NRG1: variants seen among roughly 807,000 people sequenced by gnomAD.
NRG1 encodes the protein pro-neuregulin-1, membrane-bound isoform.
A neutral mutation model predicts 63.8 loss-of-function variants in NRG1; 18 were observed. The observed-to-expected ratio is 0.28, with a 90% CI of 0.19 to 0.42. The LOEUF is 0.42. Ranked by LOEUF, NRG1 falls within the 10% of genes least tolerant of loss-of-function variation. NRG1 has a pLI of 1.00. For missense variants in NRG1, 762 were observed against 814.7 expected (o/e 0.94, Z 0.79); for synonymous variants, 302 against 301.3 (o/e 1.00, Z -0.02).
upstream of NRG1, chr8:32,548,060 T>C (rs1833290201): frequency 3.6e-6 from 1 of 280,668 alleles, no homozygotes; most frequent in African/African-American, 2.3e-5. Flanking sequence ...CAGCGACCCC[T>C]GTCGGGGGTT....
intron 1 of NRG1, among the ~76,000 whole-genome samples, chr8:31,733,554 A>G (rs1196926313): frequency 6.6e-6 from 1 of 152,136 alleles, no homozygotes; most frequent in Admixed American, 6.5e-5. Flanking sequence ...TTGACTGGCT[A>G]TTGGATTTCT....
intron 9 of NRG1, 128 bp downstream of exon 9, chr8:32,756,657 G>A: frequency 7.5e-7 from 1 of 1,325,406 alleles, no homozygotes. Context: ...CAGGAATCCA[G>A]GTTTTTGCCA....
intron 1 of NRG1, among the ~76,000 whole-genome samples, chr8:32,586,175 T>C (rs2129533962): frequency 7.6e-6 from 1 of 131,346 alleles, no homozygotes; most frequent in East Asian, 2.1e-4. Flanking sequence ...TATATATATA[T>C]ATATATATAA....
At chr8:31,959,080 A>G (rs1206141589) in intron 1 of NRG1, among the ~76,000 whole-genome samples, 1 of 152,210 alleles carries the variant, frequency 6.6e-6, no homozygotes, top group Non-Finnish European at 1.5e-5. Context: ...AAAAAATGAA[A>G]GCATGTGTCT....
intron 1 of NRG1, among the ~76,000 whole-genome samples, chr8:31,822,321 AT>A (rs1013933658): frequency 6.6e-6 from 1 of 151,234 alleles, no homozygotes; most frequent in Admixed American, 6.6e-5. Flanking sequence ...GGATGCTCAC[AT>A]TTTTTTTTCT....
intron 1 of NRG1, among the ~76,000 whole-genome samples, chr8:32,065,191 C>G (rs531117306): frequency 6.7e-6 from 1 of 149,266 alleles, no homozygotes; most frequent in Non-Finnish European, 1.5e-5. Flanking sequence ...TTTTTTCTTT[C>G]TTTCTTTATT....
intron 1 of NRG1, among the ~76,000 whole-genome samples, chr8:31,869,200 T>C (rs778195496): frequency 4.6e-5 from 7 of 152,208 alleles, no homozygotes; most frequent in Non-Finnish European, 1.0e-4. Context: ...CATTTGGTAC[T>C]CTAATCTCTT....
At chr8:31,915,133 G>A (rs1399854739) in intron 1 of NRG1, among the ~76,000 whole-genome samples, 3 of 151,708 alleles carry the variant, frequency 2.0e-5, no homozygotes, top group South Asian at 2.1e-4. Context: ...TATTTCATAC[G>A]ATTTTTTAGA....
intron 1 of NRG1, among the ~76,000 whole-genome samples, chr8:31,801,871 C>T (rs1481221558): frequency 6.6e-6 from 1 of 152,186 alleles, no homozygotes; most frequent in Non-Finnish European, 1.5e-5. Flanking sequence ...TCCCCTTCCA[C>T]TTTGAGGCTC....
intron 1 of NRG1, among the ~76,000 whole-genome samples, chr8:32,143,797 C>G (rs1836558872): frequency 6.6e-6 from 1 of 152,206 alleles, no homozygotes; most frequent in Non-Finnish European, 1.5e-5. Context: ...CCCACTCATG[C>G]CCATAGGCAT....
chr8:31,670,307 T>C (rs1460844452), intron 1 of NRG1, among the ~76,000 whole-genome samples: 7 of 152,202 alleles, frequency 4.6e-5, no homozygotes, highest in Non-Finnish European at 8.8e-5. Context: ...TTTTGTTCAC[T>C]GGCCCCTCCT....
chr8:32,180,686 T>A (rs1354705804), intron 1 of NRG1, among the ~76,000 whole-genome samples: 1 of 152,168 alleles, frequency 6.6e-6, no homozygotes, highest in Non-Finnish European at 1.5e-5. Context: ...CATTGCTATA[T>A]GTATACATTG....
intron 1 of NRG1, among the ~76,000 whole-genome samples, chr8:31,970,344 T>C (rs1288419630): frequency 2.6e-5 from 4 of 152,190 alleles, no homozygotes; most frequent in Non-Finnish European, 5.9e-5. Flanking sequence ...CTTAAGTTCA[T>C]TTCCTGCTAC....
At chr8:31,691,334 G>A (rs1275361922) in intron 1 of NRG1, among the ~76,000 whole-genome samples, 2 of 152,130 alleles carry the variant, frequency 1.3e-5, no homozygotes, top group Admixed American at 6.6e-5. Context: ...GAGGCCGGGC[G>A]CGGTGGCTCA....
At chr8:32,133,381 A>G (rs1323891478) in intron 1 of NRG1, among the ~76,000 whole-genome samples, 1 of 152,010 alleles carries the variant, frequency 6.6e-6, no homozygotes, top group Non-Finnish European at 1.5e-5. Flanking sequence ...GCCAATTTCA[A>G]GGTTATTTTT....
At chr8:32,352,174 G>A (rs1392059428) in intron 1 of NRG1, among the ~76,000 whole-genome samples, 1 of 147,016 alleles carries the variant, frequency 6.8e-6, no homozygotes, top group African/African-American at 2.5e-5. Flanking sequence ...AGTGAACTTG[G>A]TGTATGCAGT....
chr8:32,391,001 CA>C (rs1811681033), intron 1 of NRG1, among the ~76,000 whole-genome samples: 1 of 152,152 alleles, frequency 6.6e-6, no homozygotes, highest in African/African-American at 2.4e-5. Flanking sequence ...TGTCTGGTGA[CA>C]TTTTTTCAAT....
At chr8:31,802,701 A>G (rs1821906482) in intron 1 of NRG1, among the ~76,000 whole-genome samples, 1 of 152,166 alleles carries the variant, frequency 6.6e-6, no homozygotes, top group South Asian at 2.1e-4. Flanking sequence ...GGACCCTAAG[A>G]GAAATCAGCA....
intron 1 of NRG1, among the ~76,000 whole-genome samples, chr8:31,670,575 T>C (rs1585546443): frequency 6.6e-6 from 1 of 151,980 alleles, no homozygotes; most frequent in South Asian, 2.1e-4. Context: ...CTCTTTGTTT[T>C]TTTTTTTGTC....
Sources: allele counts gnomAD v4.1 joint callset (sites outside exome capture counted in the v4.1 genomes callset), GRCh38; gene constraint gnomAD v4.1.1; transcripts MANE v1.5; gene names NCBI Gene and HGNC (gene_info 2026-07-23, HGNC 2026-07-21).